ZBTB2: variants seen among roughly 807,000 people sequenced by gnomAD.
The protein encoded by ZBTB2 is zinc finger and BTB domain containing 2, also known as zinc finger and BTB domain-containing protein 2.
ZBTB2 carries 2 observed loss-of-function variants against 39.5 expected under a neutral mutation model. The observed-to-expected ratio is 0.05, with a 90% CI of 0.02 to 0.16. The LOEUF (loss-of-function observed/expected upper bound fraction) is 0.16, where lower values mean the gene tolerates loss of function less well. Among genes scored for constraint, ZBTB2 ranks in the 10% least tolerant of loss-of-function variants. ZBTB2 has a pLI of 1.00. For missense variants in ZBTB2, 391 were observed against 653.0 expected (o/e 0.60, Z 4.37); for synonymous variants, 251 against 256.6 (o/e 0.98, Z 0.21).
intron 1 of ZBTB2, among the ~76,000 whole-genome samples, chr6:151,384,672 G>A (rs1380541696): frequency 6.6e-6 from 1 of 152,184 alleles, no homozygotes; most frequent in African/African-American, 2.4e-5. Context: ...GGAAGAGCAA[G>A]AGGTTAGGTT....
intron 1 of ZBTB2, among the ~76,000 whole-genome samples, chr6:151,389,098 C>G (rs1779227145): frequency 6.6e-6 from 1 of 152,210 alleles, no homozygotes; most frequent in Admixed American, 6.5e-5. Context: ...AAAGGATGTC[C>G]TATTAGTGGT....
At chr6:151,373,049 G>T (rs1778819041) in intron 2 of ZBTB2, among the ~76,000 whole-genome samples, 1 of 151,092 alleles carries the variant, frequency 6.6e-6, no homozygotes, top group Non-Finnish European at 1.5e-5. Flanking sequence ...CAGCTACTCG[G>T]GAGGCTGAAG....
intron 1 of ZBTB2, among the ~76,000 whole-genome samples, chr6:151,387,178 T>A (rs1779177335): frequency 6.6e-6 from 1 of 152,228 alleles, no homozygotes; most frequent in Non-Finnish European, 1.5e-5. Flanking sequence ...TTCTTAAAAG[T>A]TGGTTGTGTA....
At chr6:151,379,637 GAAAAAAAAAAA>G (rs61085296) in intron 1 of ZBTB2, among the ~76,000 whole-genome samples, 1 of 65,928 alleles carries the variant, frequency 1.5e-5, no homozygotes, top group Non-Finnish European at 2.9e-5. Context: ...GACCCTGTCT[GAAAAAAAAAAA>G]AAAAAAAAAA....
intron 1 of ZBTB2, among the ~76,000 whole-genome samples, chr6:151,378,756 C>T (rs780990469): frequency 1.3e-5 from 2 of 152,202 alleles, no homozygotes; most frequent in South Asian, 2.1e-4. Flanking sequence ...TCAGGTGTCA[C>T]GCTCATCAAC....
chr6:151,386,230 GATTACACACGGCA>G (rs1779145450), intron 1 of ZBTB2, among the ~76,000 whole-genome samples: 1 of 152,120 alleles, frequency 6.6e-6, no homozygotes, highest in Non-Finnish European at 1.5e-5. Context: ...ACTTACAGAT[GATTACACACGGCA>G]AAATTAAAAA....
At position 151,369,234 on chromosome 6, in the gene ZBTB2, G is replaced by C. The variant is rs1046005838; in HGVS notation, c.174-2342C>G. On this transcript the variant is annotated intron_variant, in intron 2 of 2. Coordinates refer to ENST00000325144, the MANE Select transcript of ZBTB2 (RefSeq NM_020861.3). ...TGGGGACACCTTGGCCCACACTTTAGGCAGGCCTGGAGGGAGGACTCCAAG... is the reference window on the plus strand; with the variant it reads ...TGGGGACACCTTGGCCCACACTTTACGCAGGCCTGGAGGGAGGACTCCAAG... 2.0e-5 allele frequency among the ~76,000 whole-genome samples: 3 copies of C among 152,316 alleles called. 1 individual carries two copies. The highest frequency in any genetic ancestry group is 6.5e-5 in the Admixed American group (1 of 15,292).
At chr6:151,369,519 C>T (rs893908657) in intron 2 of ZBTB2, among the ~76,000 whole-genome samples, 1 of 152,060 alleles carries the variant, frequency 6.6e-6, no homozygotes, top group Admixed American at 6.5e-5. Flanking sequence ...AGGGCCTCAC[C>T]ATCTTGCCCA....
rs781558348 is a variant in ZBTB2 at position 151,366,394 on chromosome 6, T to C, written c.672A>G (p.Ala224=). Residue 224 remains alanine, a synonymous_variant, in exon 3 of 3, where the codon GCA becomes GCG. Transcript: ENST00000325144. The surrounding 1 kb of genome is among the most constrained non-coding windows in gnomAD (Gnocchi z 7.1). ...ACGCAGGCTGCTCATCGGAGGAAGA[T>C]GCTTCCAGATTGGTCTCCTCCCCGG... ...PPPGEETNLE[A]SSSDEQPASL... 1 of 1,614,106 alleles carries C rather than the reference T, an allele frequency of 6.2e-7. No individual in the cohort carries two copies.
intron 1 of ZBTB2, among the ~76,000 whole-genome samples, chr6:151,385,044 A>G (rs1779123713): frequency 6.6e-6 from 1 of 152,044 alleles, no homozygotes; most frequent in South Asian, 2.1e-4. Context: ...TGAACTTAAA[A>G]AAAACCCAAC....
intron 1 of ZBTB2, among the ~76,000 whole-genome samples, chr6:151,378,671 T>C (rs1778966746): frequency 6.6e-6 from 1 of 152,198 alleles, no homozygotes; most frequent in South Asian, 2.1e-4. Context: ...GAGACCCAAC[T>C]GTGATATGCT....
intron 1 of ZBTB2, among the ~76,000 whole-genome samples, chr6:151,388,422 T>A (rs1779210349): frequency 6.6e-6 from 1 of 152,258 alleles, no homozygotes; most frequent in African/African-American, 2.4e-5. Flanking sequence ...TTTCCTTCTC[T>A]ATTTTGTAAG....
chr6:151,390,773 T>G (rs1371380019), intron 1 of ZBTB2, among the ~76,000 whole-genome samples: 1 of 49,840 alleles, frequency 2.0e-5, no homozygotes, highest in Non-Finnish European at 4.3e-5. Flanking sequence ...CCCTCCCTCC[T>G]CCCTCCCCTC....
At position 151,366,856 on chromosome 6, in the gene ZBTB2, G is replaced by A. The variant is rs184232136; in HGVS notation, c.210C>T (p.Pro70=). The change falls in exon 3 of 3, where the codon CCC becomes CCT. Residue 70 remains proline (P), a synonymous_variant. Transcript: ENST00000325144. This position sits in a 1 kb window ranked among gnomAD's most constrained non-coding sequence, Gnocchi z 7.1. ...AGTGTAAGAGATAGCTGAAGATGTCGGGCTGTATGTCAGTTGGTTTCAAGC... is the reference window on the plus strand; with the variant it reads ...AGTGTAAGAGATAGCTGAAGATGTCAGGCTGTATGTCAGTTGGTTTCAAGC... The part of the protein sequence containing the change: ...CVRLKPTDIQ[P]DIFSYLLHLM... 9.7e-5 allele frequency: 157 copies of A among 1,612,834 alleles called. No individual in the cohort carries two copies. The East Asian group carries it at 3.2e-3, about 33-fold the overall frequency.
At chr6:151,371,621 T>C (rs781544580) in intron 2 of ZBTB2, among the ~76,000 whole-genome samples, 4 of 151,838 alleles carry the variant, frequency 2.6e-5, no homozygotes, top group South Asian at 2.1e-4. Flanking sequence ...TAGAAGGAGG[T>C]TGGGCTCCAA....
In ZBTB2 at chr6:151,366,366, G is replaced by A. The variant is rs867113043; in HGVS notation, c.700C>T (p.Leu234Phe). The change falls in exon 3 of 3, where the codon CTC becomes TTC. Residue 234 changes from leucine to phenylalanine, a missense_variant. By Grantham distance (22) the Leu-to-Phe change is conservative. Around this residue, in one of 7 missense-constraint regions of ZBTB2, gnomAD observed 175 missense variants for 198.6 expected, o/e 0.88. Coordinates refer to ENST00000325144, the MANE Select transcript of ZBTB2 (RefSeq NM_020861.3). The surrounding 1 kb of genome is among the most constrained non-coding windows in gnomAD (Gnocchi z 7.1). ...CTTGGCTTGACGTGGGCTATTGTGAGGGACGCAGGCTGCTCATCGGAGGAA... is the reference window on the plus strand; with the variant it reads ...CTTGGCTTGACGTGGGCTATTGTGAAGGACGCAGGCTGCTCATCGGAGGAA... ...ASSSDEQPASLTIAHVKPSIM... is the reference protein window; with the variant it reads ...ASSSDEQPASFTIAHVKPSIM... The A allele has an allele frequency of 1.2e-6, 2 of 1,614,108 alleles. No individual in the cohort carries two copies. The highest frequency in any genetic ancestry group is 1.1e-5 in the South Asian group (1 of 91,080).
intron 2 of ZBTB2, among the ~76,000 whole-genome samples, chr6:151,370,663 C>A (rs1347755407): frequency 6.6e-6 from 1 of 152,172 alleles, no homozygotes; most frequent in Admixed American, 6.5e-5. Flanking sequence ...GTAACTACAG[C>A]CAGAAATCTC....
rs898794727 is a variant in ZBTB2 at position 151,365,163 on chromosome 6, T to A, written c.*358A>T. 1 of 197,022 alleles carries A rather than the reference T, an allele frequency of 5.1e-6. No homozygotes were observed. The highest frequency in any genetic ancestry group is 2.4e-5 in the African/African-American group (1 of 42,310). 12.2% of individuals were successfully genotyped at this position (197,022 alleles called of 1,614,324 possible). A position where few individuals can be genotyped will look rare whatever the true frequency, so the allele number is the denominator to read the frequency against. On this transcript the variant is annotated 3_prime_UTR_variant, in exon 3 of 3. Coordinates refer to ENST00000325144, the MANE Select transcript of ZBTB2 (RefSeq NM_020861.3). This position sits in a 1 kb window ranked among gnomAD's most constrained non-coding sequence, Gnocchi z 5.6. ...TCTGACATTGTTTTTCTGAGAAGAC[T>A]TTTTACCCAGGGAAAGTCATAATTT...
At chr6:151,387,214 C>G (rs1779178100) in intron 1 of ZBTB2, among the ~76,000 whole-genome samples, 1 of 152,192 alleles carries the variant, frequency 6.6e-6, no homozygotes. Context: ...ACTGAATTAA[C>G]TTTTCCTACT....
Sources: allele counts gnomAD v4.1 joint callset (sites outside exome capture counted in the v4.1 genomes callset), GRCh38; gene constraint gnomAD v4.1.1; regional missense constraint gnomAD v4.1.1; non-coding constraint Gnocchi (gnomAD v3.1); transcripts MANE v1.5; gene names NCBI Gene and HGNC (gene_info 2026-07-23, HGNC 2026-07-21).